Variants in FYB1 observed in about 807,000 individuals in gnomAD.
FYB1 encodes the protein FYN binding protein 1.
A neutral mutation model predicts 94.1 loss-of-function variants in FYB1; 41 were observed. The observed-to-expected ratio is 0.44, with a 90% confidence interval of 0.34 to 0.57. The LOEUF (loss-of-function observed/expected upper bound fraction) is 0.57, where lower values mean the gene tolerates loss of function less well. Ranked by LOEUF, FYB1 falls within the 20% of genes least tolerant of loss-of-function variation. The pLI is 0.02. For synonymous variants in FYB1, 367 were observed against 353.2 expected, an observed-to-expected ratio of 1.04 and a Z score of -0.44; for missense variants, 1,050 against 976.8, an observed-to-expected ratio of 1.07 and a Z score of -1.00.
At chr5:39,151,440 C>A (rs1162682012) in intron 3 of FYB1, among the ~76,000 whole-genome samples, 5 of 152,228 alleles carry the variant, frequency 3.3e-5, no homozygotes, top group Admixed American at 1.3e-4. Context: ...CAGGCATGCA[C>A]CATCATGCCC....
At chr5:39,205,286 T>C (rs1748741666) in intron 1 of FYB1, among the ~76,000 whole-genome samples, 1 of 152,214 alleles carries the variant, frequency 6.6e-6, no homozygotes, top group Non-Finnish European at 1.5e-5. Context: ...TGGGTTTGAA[T>C]CTTACTCGCT....
intron 1 of FYB1, among the ~76,000 whole-genome samples, chr5:39,250,396 C>A (rs1043916612): frequency 4.6e-5 from 7 of 152,056 alleles, no homozygotes; most frequent in Non-Finnish European, 8.8e-5. Context: ...TTGCAGAAAT[C>A]GAGGAAAGAC....
At chr5:39,184,038 T>G (rs1271732947) in intron 2 of FYB1, among the ~76,000 whole-genome samples, 1 of 152,222 alleles carries the variant, frequency 6.6e-6, no homozygotes, top group African/African-American at 2.4e-5. Flanking sequence ...TATGATCTAC[T>G]GGCAAACCCA....
chr5:39,166,790 T>TG (rs1744779673), intron 2 of FYB1, among the ~76,000 whole-genome samples: 9 of 150,634 alleles, frequency 6.0e-5, no homozygotes, highest in African/African-American at 2.2e-4. Context: ...TAATAGACCC[T>TG]GGAGACTGGG....
At chr5:39,248,586 C>A (rs548420564) in intron 1 of FYB1, among the ~76,000 whole-genome samples, 5 of 152,144 alleles carry the variant, frequency 3.3e-5, no homozygotes, top group Non-Finnish European at 7.3e-5. Flanking sequence ...ATACTGTAAT[C>A]CCAGCACTTT....
chr5:39,219,461 G>A lies in FYB1; in HGVS notation c.-46C>T. On this transcript the variant is annotated 5_prime_UTR_variant, in exon 1 of 19. Transcript: ENST00000512982. ...CTGTTACCTGACTCCTGCAGAAGAA[G>A]GCGGAAGGATGGCCTCCTTTAGTGG... 1 of 985,550 alleles carries A rather than the reference G, an allele frequency of 1.0e-6. No homozygotes were observed. 61.1% of individuals were successfully genotyped at this position (985,550 alleles called of 1,614,324 possible).
intron 2 of FYB1, among the ~76,000 whole-genome samples, chr5:39,197,535 C>A (rs1397043468): frequency 1.3e-5 from 2 of 152,246 alleles, no homozygotes; most frequent in Non-Finnish European, 1.5e-5. Context: ...TGTGGCCAAT[C>A]ATAATCCAGA....
chr5:39,168,958 A>G (rs1394804759), intron 2 of FYB1, among the ~76,000 whole-genome samples: 1 of 152,208 alleles, frequency 6.6e-6, no homozygotes, highest in Non-Finnish European at 1.5e-5. Context: ...CTACATGTAT[A>G]TTAGGACCAC....
At chr5:39,111,696 T>C (rs1739091162) in intron 16 of FYB1, among the ~76,000 whole-genome samples, 1 of 151,824 alleles carries the variant, frequency 6.6e-6, no homozygotes, top group Non-Finnish European at 1.5e-5. Context: ...AGTAGGAAAA[T>C]AATGAGACAT....
chr5:39,133,625 G>C (rs904862630), intron 9 of FYB1, among the ~76,000 whole-genome samples: 1 of 152,074 alleles, frequency 6.6e-6, no homozygotes, highest in African/African-American at 2.4e-5. Flanking sequence ...GTTCTATTCT[G>C]TTCCTCTATA....
chr5:39,237,997 A>T (rs1751045246), intron 1 of FYB1, among the ~76,000 whole-genome samples: 1 of 152,130 alleles, frequency 6.6e-6, no homozygotes, highest in Admixed American at 6.6e-5. Flanking sequence ...TACAAATCAT[A>T]CAAGTATGGG....
rs757566808 is a variant in FYB1 at position 39,119,642 on chromosome 5, G to A, written c.2139-8C>T. The A allele has an allele frequency of 1.2e-5, 18 of 1,505,822 alleles. No individual in the cohort carries two copies. Among genetic ancestry groups the A allele is most frequent in the Middle Eastern group, 1.7e-4 (1 of 5,776 alleles). 93.3% of individuals were successfully genotyped at this position (1,505,822 alleles called of 1,614,324 possible). A position where few individuals can be genotyped will look rare whatever the true frequency, so the allele number is the denominator to read the frequency against. ...CCAACATTAGTTCCTTGACTAGAAC[G>A]GCAGAACACACATAAAACAACACTT... On this transcript the variant is annotated splice_region_variant and splice_polypyrimidine_tract_variant and intron_variant, in intron 14 of 18. Transcript: ENST00000512982.
chr5:39,263,943 T>C (rs997925314), intron 1 of FYB1, among the ~76,000 whole-genome samples: 6 of 152,132 alleles, frequency 3.9e-5, no homozygotes, highest in Non-Finnish European at 8.8e-5. Context: ...AACAGTATGA[T>C]CAAATTCCAG....
At chr5:39,191,206 C>G (rs2150459771) in intron 2 of FYB1, among the ~76,000 whole-genome samples, 1 of 152,236 alleles carries the variant, frequency 6.6e-6, no homozygotes, top group South Asian at 2.1e-4. Flanking sequence ...ACACAGGTTG[C>G]TTTTGAAAAC....
At chr5:39,130,703 A>G (rs1310648737) in intron 9 of FYB1, 91 bp from the exon 10 acceptor site, 17 of 1,029,714 alleles carry the variant, frequency 1.7e-5, no homozygotes, top group South Asian at 1.4e-5. Context: ...TATTCAAAAG[A>G]GAAATAACAT....
intron 2 of FYB1, among the ~76,000 whole-genome samples, chr5:39,185,233 G>T (rs1746638684): frequency 6.6e-6 from 1 of 151,932 alleles, no homozygotes; most frequent in South Asian, 2.1e-4. Flanking sequence ...TTCTTACCAT[G>T]TGCACACTCT....
At chr5:39,116,151 A>G (rs969738268) in intron 16 of FYB1, among the ~76,000 whole-genome samples, 3 of 152,198 alleles carry the variant, frequency 2.0e-5, no homozygotes, top group African/African-American at 7.2e-5. Flanking sequence ...ATAAGACTTT[A>G]TCGGCTGCCT....
chr5:39,187,603 C>T (rs1362458945), intron 2 of FYB1, among the ~76,000 whole-genome samples: 1 of 152,150 alleles, frequency 6.6e-6, no homozygotes, highest in South Asian at 2.1e-4. Context: ...CCTCTCATCT[C>T]TGAGACTTCC....
chr5:39,157,979 G>A (rs1743909390), intron 2 of FYB1, among the ~76,000 whole-genome samples: 2 of 152,156 alleles, frequency 1.3e-5, no homozygotes, highest in Non-Finnish European at 2.9e-5. Context: ...AAGGCTTCAA[G>A]AAGGACATAA....
Sources: gnomAD v4.1 joint callset for allele counts (sites outside exome capture counted in the v4.1 genomes callset) on GRCh38, gnomAD v4.1.1 for gene constraint, MANE v1.5 for transcripts, NCBI Gene and HGNC (gene_info 2026-07-23, HGNC 2026-07-21) for gene names.